XKR6: variants seen among roughly 807,000 people sequenced by gnomAD.
XKR6 encodes the protein XK-related protein 6.
XKR6 carries 22 observed loss-of-function variants against 56.7 expected under a neutral mutation model. The observed-to-expected ratio is 0.39, with a 90% confidence interval of 0.28 to 0.55. The LOEUF is 0.55. Among genes scored for constraint, XKR6 ranks in the 20% least tolerant of loss-of-function variants. XKR6 has a pLI of 0.66. For missense variants in XKR6, 852 were observed against 889.0 expected, an observed-to-expected ratio of 0.96 and a Z score of 0.53; for synonymous variants, 524 against 387.8, an observed-to-expected ratio of 1.35 and a Z score of -4.13.
intron 1 of XKR6, among the ~76,000 whole-genome samples, chr8:11,119,609 C>A (rs1207256566): frequency 6.6e-6 from 1 of 152,136 alleles, no homozygotes; most frequent in Non-Finnish European, 1.5e-5. Flanking sequence ...TCTGTTTTAT[C>A]CGAGACTAGG....
intron 1 of XKR6, among the ~76,000 whole-genome samples, chr8:10,969,282 T>C (rs1802326902): frequency 6.6e-6 from 1 of 152,194 alleles, no homozygotes; most frequent in Non-Finnish European, 1.5e-5. Context: ...AACTGCCAGC[T>C]TGCCACCCAC....
At chr8:11,160,020 T>C (rs1044497553) in intron 1 of XKR6, among the ~76,000 whole-genome samples, 1 of 152,324 alleles carries the variant, frequency 6.6e-6, no homozygotes, top group East Asian at 1.9e-4. Context: ...GCTGCTGATA[T>C]GTGAGATATT....
intron 2 of XKR6, among the ~76,000 whole-genome samples, chr8:10,902,348 C>A (rs1415400944): frequency 6.6e-6 from 1 of 152,212 alleles, no homozygotes; most frequent in African/African-American, 2.4e-5. Flanking sequence ...TCTAGGGGAG[C>A]TTCCCAGACC....
At chr8:11,157,814 C>CA (rs1801596297) in intron 1 of XKR6, among the ~76,000 whole-genome samples, 1 of 152,074 alleles carries the variant, frequency 6.6e-6, no homozygotes, top group Admixed American at 6.5e-5. Context: ...CATGCCTGGC[C>CA]AAAATGTTTA....
intron 1 of XKR6, among the ~76,000 whole-genome samples, chr8:11,094,564 G>C (rs560460371): frequency 2.0e-5 from 3 of 152,076 alleles, no homozygotes; most frequent in Non-Finnish European, 4.4e-5. Context: ...AACAGAAAGG[G>C]ACTTCTCCTG....
At chr8:11,121,382 T>G (rs1044624357) in intron 1 of XKR6, among the ~76,000 whole-genome samples, 2 of 152,152 alleles carry the variant, frequency 1.3e-5, no homozygotes, top group Admixed American at 1.3e-4. Context: ...GCGAAGGATA[T>G]GAACAGACAC....
chr8:11,167,375 A>G (rs1304053157), intron 1 of XKR6, among the ~76,000 whole-genome samples: 1 of 152,232 alleles, frequency 6.6e-6, no homozygotes, highest in Non-Finnish European at 1.5e-5. Flanking sequence ...GAACAAGTAG[A>G]ACGCATTCAT....
At chr8:11,153,068 T>C (rs1171819258) in intron 1 of XKR6, among the ~76,000 whole-genome samples, 1 of 152,196 alleles carries the variant, frequency 6.6e-6, no homozygotes, top group Non-Finnish European at 1.5e-5. Context: ...TAGAATACAA[T>C]TAGATTATTC....
chr8:10,989,649 G>A (rs967109789), intron 1 of XKR6, among the ~76,000 whole-genome samples: 1 of 152,130 alleles, frequency 6.6e-6, no homozygotes, highest in Non-Finnish European at 1.5e-5. Context: ...AATAACACTG[G>A]ACCAATATCA....
chr8:11,094,185 C>A (rs1325829374), intron 1 of XKR6, among the ~76,000 whole-genome samples: 2 of 151,342 alleles, frequency 1.3e-5, no homozygotes, highest in African/African-American at 4.9e-5. Context: ...AAAAGACTTT[C>A]CATAAGCCCA....
intron 1 of XKR6, among the ~76,000 whole-genome samples, chr8:10,984,732 C>A (rs12543133): frequency 0.28 from 13,243 of 47,174 alleles, 2,152 homozygotes; most frequent in East Asian, 0.34. Context: ...CTCTCTCTCT[C>A]TATATATATA....
At chr8:11,071,555 CCA>C (rs1187864132) in intron 1 of XKR6, among the ~76,000 whole-genome samples, 42 of 131,044 alleles carry the variant, frequency 3.2e-4, no homozygotes, top group African/African-American at 1.1e-3. Context: ...AGCCCCGAGT[CCA>C]TGAGCCCCGA....
chr8:11,195,958 GA>G (rs5889362), intron 1 of XKR6, among the ~76,000 whole-genome samples: 54,076 of 128,808 alleles, frequency 0.42, 10,454 homozygotes, highest in Middle Eastern at 0.5. Context: ...TGGATAAAAT[GA>G]AAAAAAAAAA....
chr8:11,024,531 A>G (rs1286248905), intron 1 of XKR6, among the ~76,000 whole-genome samples: 1 of 152,030 alleles, frequency 6.6e-6, no homozygotes, highest in Non-Finnish European at 1.5e-5. Flanking sequence ...TTATTAATAA[A>G]CTCAAATATC....
chr8:11,152,073 T>A (rs1367498394), intron 1 of XKR6, among the ~76,000 whole-genome samples: 2 of 152,204 alleles, frequency 1.3e-5, no homozygotes, highest in Non-Finnish European at 2.9e-5. Context: ...TTTCTCAATT[T>A]ACATTAAGGT....
At chr8:11,042,378 T>C (rs1425477775) in intron 1 of XKR6, among the ~76,000 whole-genome samples, 1 of 152,166 alleles carries the variant, frequency 6.6e-6, no homozygotes, top group East Asian at 1.9e-4. Context: ...GGGAGGTAAC[T>C]GAACCGTGGG....
At position 10,898,770 on chromosome 8, in the gene XKR6, A is replaced by G. The variant is rs1378556053; in HGVS notation, c.1108T>C (p.Ser370Pro). ...QVFWRLFTIS[S>P]RVISFALFAS... ...AAGAGGGCAAAAGAGATCACTCGGG[A>G]TGAGATGGTGAAGAGGCGCCAGAAG... The change falls in exon 3 of 3, where the codon TCC (serine) becomes CCC (proline). Residue 370 changes from serine to proline, a missense_variant. Transcript: ENST00000416569. This position sits in a 1 kb window ranked among gnomAD's most constrained non-coding sequence, Gnocchi z 6.6. The G allele has an allele frequency of 6.2e-7, 1 of 1,614,144 alleles. No individual in the cohort carries two copies. The highest frequency in any genetic ancestry group is 8.5e-7 in the Non-Finnish European group (1 of 1,180,010).
intron 1 of XKR6, chr8:11,138,504 C>T (rs948771364): frequency 2.0e-5 from 3 of 152,208 alleles, no homozygotes; most frequent in African/African-American, 7.2e-5. Context: ...GATGGTTTGG[C>T]TACATTAGTT....
intron 1 of XKR6, among the ~76,000 whole-genome samples, chr8:11,025,695 G>A (rs936758879): frequency 2.6e-5 from 4 of 152,196 alleles, no homozygotes; most frequent in Non-Finnish European, 5.9e-5. Context: ...ACATCATGGT[G>A]CATGAAATAA....
Sources: allele counts gnomAD v4.1 joint callset (sites outside exome capture counted in the v4.1 genomes callset), GRCh38; gene constraint gnomAD v4.1.1; non-coding constraint Gnocchi (gnomAD v3.1); transcripts MANE v1.5; gene names NCBI Gene and HGNC (gene_info 2026-07-23, HGNC 2026-07-21).